WBP4: variants seen among roughly 807,000 people sequenced by gnomAD.
WBP4 encodes WW domain-binding protein 4.
In WBP4, 37 loss-of-function variants were observed where a neutral mutation model predicts 55.4. The observed-to-expected ratio is 0.67, with a 90% CI of 0.51 to 0.88. The LOEUF is 0.88. Ranked by LOEUF, WBP4 falls within the 40% of genes least tolerant of loss-of-function variation. The probability of loss-of-function intolerance (pLI) is 0.00; values close to 1 mark genes in which losing one functional copy is unlikely to be tolerated. For missense variants in WBP4, 398 were observed against 420.8 expected, an observed-to-expected ratio of 0.95 and a Z score of 0.47; for synonymous variants, 142 against 140.2, an observed-to-expected ratio of 1.01 and a Z score of -0.09.
chr13:41,073,285 A>G (rs1878328684), intron 7 of WBP4, among the ~76,000 whole-genome samples: 1 of 152,144 alleles, frequency 6.6e-6, no homozygotes, highest in Non-Finnish European at 1.5e-5. Context: ...AGGCCAAGAC[A>G]GGTGGATCAC....
chr13:41,077,004 T>A (rs1430686908), intron 8 of WBP4, among the ~76,000 whole-genome samples: 2 of 152,304 alleles, frequency 1.3e-5, no homozygotes, highest in Non-Finnish European at 2.9e-5. Flanking sequence ...AATGAATGTG[T>A]TCCAACAACA....
chr13:41,078,339 A>C (rs1210899573), intron 8 of WBP4, among the ~76,000 whole-genome samples: 2 of 152,222 alleles, frequency 1.3e-5, no homozygotes, highest in African/African-American at 2.4e-5. Flanking sequence ...ATAAAGCCAC[A>C]TACCTACAAC....
At chr13:41,077,996 T>TA (rs1878579532) in intron 8 of WBP4, among the ~76,000 whole-genome samples, 1 of 152,124 alleles carries the variant, frequency 6.6e-6, no homozygotes, top group Non-Finnish European at 1.5e-5. Flanking sequence ...TCATAGATGA[T>TA]ACACACAAAT....
intron 8 of WBP4, among the ~76,000 whole-genome samples, chr13:41,079,359 C>A (rs1178426617): frequency 1.3e-5 from 2 of 152,002 alleles, no homozygotes; most frequent in Non-Finnish European, 2.9e-5. Flanking sequence ...TACTTGAGGT[C>A]AGGAGTTCAA....
Position 41,082,852 on chromosome 13 carries a change from A to G in WBP4, c.1069A>G (p.Lys357Glu), listed in dbSNP as rs755150544. 6 of 1,614,040 alleles carry G rather than the reference A, an allele frequency of 3.7e-6. No homozygotes were observed. The highest frequency in any genetic ancestry group is 5.1e-6 in the Non-Finnish European group (6 of 1,180,018). The change falls in exon 10 of 10, where the codon AAA (lysine) becomes GAA (glutamate). Residue 357 changes from lysine to glutamate, a missense_variant. Coordinates refer to ENST00000379487, the MANE Select transcript of WBP4 (RefSeq NM_007187.5). Reference protein sequence around the residue: ...VMADGVAPVFKKRRTENGKSR... With the variant: ...VMADGVAPVFEKRRTENGKSR... ...GGCAGATGGAGTGGCCCCAGTCTTC[A>G]AAAAGAGAAGAACTGAAAATGGAAA...
intron 1 of WBP4, 125 bp downstream of exon 1, chr13:41,061,800 C>T (rs1289907234): frequency 4.7e-6 from 7 of 1,475,566 alleles, no homozygotes; most frequent in South Asian, 2.4e-5. Context: ...GTTCTTAACT[C>T]GCTCGGGACC....
Position 41,083,641 on chromosome 13 carries a change from T to A in WBP4, c.*727T>A, listed in dbSNP as rs1421128936. 6.6e-6 allele frequency: 1 copy of A among 152,252 alleles called. No homozygotes were observed. The highest frequency in any genetic ancestry group is 1.5e-5 in the Non-Finnish European group (1 of 68,060). 9.4% of individuals were successfully genotyped at this position (152,252 alleles called of 1,614,324 possible). ...GAGTTCACATTCTAGCATATGCCTTTTTTCCCCCAGTCATGCACTCTTTTT... is the reference window on the plus strand; with the variant it reads ...GAGTTCACATTCTAGCATATGCCTTATTTCCCCCAGTCATGCACTCTTTTT... On this transcript the variant is annotated 3_prime_UTR_variant, in exon 10 of 10. Coordinates refer to ENST00000379487, the MANE Select transcript of WBP4 (RefSeq NM_007187.5).
At chr13:41,062,500 GATAA>G (rs1277338692) in intron 1 of WBP4, 140 bp from the exon 2 acceptor site, 1 of 750,140 alleles carries the variant, frequency 1.3e-6, no homozygotes, top group African/African-American at 1.8e-5. Context: ...GCTCCAACCA[GATAA>G]ATAATAAAAC....
In WBP4 at chr13:41,062,672, A is replaced by AT; in HGVS notation, c.31_32insT (p.Lys11IlefsTer4). The stretch of plus-strand genomic sequence containing the variant: ...GGACTACTGGAAGTCACAGCCAAAG[A>AT]AATTCTGTGATTACTGCAAGTGCTG... On this transcript the variant is annotated frameshift_variant, in exon 2 of 10. Transcript: ENST00000379487. LOFTEE classifies it high-confidence loss of function. The AT allele has an allele frequency of 6.2e-7, 1 of 1,613,894 alleles. No individual in the cohort carries two copies. Among genetic ancestry groups the AT allele is most frequent in the Non-Finnish European group, 8.5e-7 (1 of 1,179,834 alleles).
Position 41,073,563 on chromosome 13 carries a change from T to G in WBP4, c.562+706T>G, listed in dbSNP as rs537422646. Among the ~76,000 whole-genome samples the G allele has an allele frequency of 3.9e-3, 587 of 149,260 alleles. 5 individuals carry two copies. Among genetic ancestry groups the G allele is most frequent in the South Asian group, 0.011 (52 of 4,710 alleles). The stretch of plus-strand genomic sequence containing the variant: ...GGCGCGGTGGCTCACGCCTGTAATC[T>G]CAGCAGTTTGGAAGGCCAAGGCGGG... On this transcript the variant is annotated intron_variant, in intron 7 of 9. Coordinates refer to ENST00000379487, the MANE Select transcript of WBP4 (RefSeq NM_007187.5).
chr13:41,067,082 G>A (rs192695237), intron 4 of WBP4, among the ~76,000 whole-genome samples: 113 of 152,072 alleles, frequency 7.4e-4, no homozygotes, highest in Admixed American at 4.8e-3. Context: ...TCGACCTCCC[G>A]GGCTCCAGTG....
Position 41,076,192 on chromosome 13 carries a change from A to G in WBP4, c.711A>G (p.Glu237=), listed in dbSNP as rs769820308. The part of the protein sequence containing the change: ...SDSDGEQEAE[E]GGVSTETEKP... ...CTGATGGGGAACAGGAAGCAGAAGA[A>G]GGAGGGGTCTCTACAGAGACAGAAA... Residue 237 remains glutamate (E), a synonymous_variant, in exon 8 of 10, where the codon GAA becomes GAG. Transcript: ENST00000379487. 5.0e-6 allele frequency: 8 copies of G among 1,613,060 alleles called. No homozygotes were observed. In the East Asian group the frequency reaches 1.6e-4, roughly 31 times the overall value.
At chr13:41,076,001 GAATT>G (rs754123054) in intron 7 of WBP4, 39 bp from the exon 8 acceptor site, 2 of 1,574,026 alleles carry the variant, frequency 1.3e-6, no homozygotes, top group African/African-American at 1.4e-5. Flanking sequence ...CATCTGAATA[GAATT>G]AATAACTAAA....
intron 4 of WBP4, among the ~76,000 whole-genome samples, chr13:41,068,318 T>G (rs1274514001): frequency 6.6e-6 from 1 of 152,318 alleles, no homozygotes; most frequent in African/African-American, 2.4e-5. Context: ...TGCTGGCTGT[T>G]TTTTTAACCC....
At chr13:41,079,068 A>T (rs1878643530) in intron 8 of WBP4, among the ~76,000 whole-genome samples, 1 of 152,180 alleles carries the variant, frequency 6.6e-6, no homozygotes, top group Non-Finnish European at 1.5e-5. Context: ...CATCCAACAC[A>T]GGACTAATAT....
Position 41,062,641 on chromosome 13 carries a change from C to G in WBP4, c.3-3C>G, listed in dbSNP as rs756528918. 21 of 1,612,388 alleles carry G rather than the reference C, an allele frequency of 1.3e-5. No homozygotes were observed. The highest frequency in any genetic ancestry group is 1.8e-5 in the Non-Finnish European group (21 of 1,179,300). On this transcript the variant is annotated splice_polypyrimidine_tract_variant and splice_region_variant and intron_variant, in intron 1 of 9. Coordinates refer to ENST00000379487, the MANE Select transcript of WBP4 (RefSeq NM_007187.5). The stretch of plus-strand genomic sequence containing the variant: ...GCTTAGCCTTGTTGTCTCTCTTTTT[C>G]AGGGCGGACTACTGGAAGTCACAGC...
intron 5 of WBP4, 81 bp from the exon 6 acceptor site, chr13:41,071,446 C>G: frequency 8.7e-7 from 1 of 1,146,516 alleles, no homozygotes; most frequent in South Asian, 1.4e-5. Context: ...TACATAATGA[C>G]TGTAAATTTT....
Position 41,062,626 on chromosome 13 carries a change from G to T in WBP4, c.3-18G>T, listed in dbSNP as rs757592993. The stretch of plus-strand genomic sequence containing the variant: ...TTAAGTTTTACATGAGCTTAGCCTT[G>T]TTGTCTCTCTTTTTCAGGGCGGACT... On this transcript the variant is annotated intron_variant, in intron 1 of 9. Coordinates refer to ENST00000379487, the MANE Select transcript of WBP4 (RefSeq NM_007187.5). The T allele has an allele frequency of 2.5e-5, 40 of 1,611,466 alleles. No individual in the cohort carries two copies. Among genetic ancestry groups the T allele is most frequent in the Non-Finnish European group, 3.2e-5 (38 of 1,178,858 alleles).
chr13:41,079,308 C>T (rs918522931), intron 8 of WBP4, among the ~76,000 whole-genome samples: 10 of 152,062 alleles, frequency 6.6e-5, no homozygotes, highest in African/African-American at 2.4e-4. Context: ...CAGTGGCTCA[C>T]ACCTGTAATC....
Sources: allele counts gnomAD v4.1 joint callset (sites outside exome capture counted in the v4.1 genomes callset), GRCh38; gene constraint gnomAD v4.1.1; transcripts MANE v1.5; gene names NCBI Gene and HGNC (gene_info 2026-07-23, HGNC 2026-07-21).